PCDHGB6: variants seen among roughly 807,000 people sequenced by gnomAD.
The protein encoded by PCDHGB6 is protocadherin gamma subfamily B, 6.
Under a neutral mutation model 59.1 loss-of-function variants are expected in PCDHGB6, and 51 were observed. The ratio of observed to expected loss-of-function variants is 0.86; its 90% CI spans 0.69 to 1.09. The LOEUF (loss-of-function observed/expected upper bound fraction) is 1.09. PCDHGB6 is among the 50% of genes least tolerant of loss of function. The pLI, the probability that PCDHGB6 is intolerant of heterozygous loss-of-function variation, is 0.00. For synonymous variants in PCDHGB6, 466 were observed against 495.1 expected, an observed-to-expected ratio of 0.94 and a Z score of 0.78; for missense variants, 1,148 against 1,205.1, an observed-to-expected ratio of 0.95 and a Z score of 0.70.
In PCDHGB6 at chr5:141,431,627, C is replaced by T. The variant is rs769351473; in HGVS notation, c.2418+21007C>T. 2.5e-6 allele frequency: 4 copies of T among 1,614,076 alleles called. No homozygotes were observed. The South Asian group carries it at 4.4e-5, about 18-fold the overall frequency. On this transcript the variant is annotated intron_variant, in intron 1 of 3. Coordinates refer to ENST00000520790, the MANE Select transcript of PCDHGB6 (RefSeq NM_018926.3). The surrounding 1 kb of genome is among the most constrained non-coding windows in gnomAD (Gnocchi z 4.8). Reference sequence around the variant, plus strand: ...CCGGTATGTGGACGACAAGGCGGCCCAAGTTTTCAAACTAGATTGTAATTC... The same window carrying T: ...CCGGTATGTGGACGACAAGGCGGCCTAAGTTTTCAAACTAGATTGTAATTC...
rs114669158 is a variant in PCDHGB6 at position 141,511,003 on chromosome 5, G to A, written c.2623G>A (p.Ala875Thr). The change falls in exon 4 of 4, where the codon GCC (alanine) becomes ACC (threonine). Residue 875 changes from alanine to threonine, a missense_variant. Physicochemically the swap from Ala to Thr is moderately conservative, Grantham distance 58 (BLOSUM62 0). Coordinates refer to ENST00000520790, the MANE Select transcript of PCDHGB6 (RefSeq NM_018926.3). Reference protein sequence around the residue: ...GGGAGTMGLSARYGPQFTLQH... With the variant: ...GGGAGTMGLSTRYGPQFTLQH... ...GGGTGCCGGCACCATGGGATTGAGCGCCCGCTACGGACCCCAGTTCACCCT... is the reference window on the plus strand; with the variant it reads ...GGGTGCCGGCACCATGGGATTGAGCACCCGCTACGGACCCCAGTTCACCCT... The A allele has an allele frequency of 1.0e-4, 163 of 1,614,148 alleles. 1 individual carries two copies. The highest frequency in any genetic ancestry group is 9.5e-5 in the Non-Finnish European group (112 of 1,180,012).
Position 141,432,136 on chromosome 5 carries a change from T to C in PCDHGB6, c.2418+21516T>C, listed in dbSNP as rs766026174. 2 of 1,613,960 alleles carry C rather than the reference T, an allele frequency of 1.2e-6. No individual in the cohort carries two copies. The highest frequency in any genetic ancestry group is 1.7e-5 in the Admixed American group (1 of 59,996). On this transcript the variant is annotated intron_variant, in intron 1 of 3. Transcript: ENST00000520790. The surrounding 1 kb of genome is among the most constrained non-coding windows in gnomAD (Gnocchi z 6.0). ...TCTTCCCTCAGGCCTCCTATTCCGC[T>C]TATATCCCAGAGAACAATCCCAGAG...
chr5:141,494,680 C>G (rs552351026), intron 1 of PCDHGB6, 127 bp from the exon 2 acceptor site: 2 of 1,560,096 alleles, frequency 1.3e-6, no homozygotes, highest in East Asian at 4.6e-5. Context: ...CCACCCCTGC[C>G]CCCTCTTAGT....
At chr5:141,466,019 G>C (rs1466918487) in intron 1 of PCDHGB6, among the ~76,000 whole-genome samples, 1 of 152,062 alleles carries the variant, frequency 6.6e-6, no homozygotes, top group African/African-American at 2.4e-5. Flanking sequence ...CTACTCGGGA[G>C]GGTGAGGCAG....
chr5:141,432,539 G>A lies in PCDHGB6; in HGVS notation c.2418+21919G>A. 2.5e-6 allele frequency: 4 copies of A among 1,614,038 alleles called. No individual in the cohort carries two copies. Among genetic ancestry groups the A allele is most frequent in the Non-Finnish European group, 3.4e-6 (4 of 1,180,022 alleles). ...CTACCTGGTGACCAAGGTGGTGGCG[G>A]TGGACAGAGACTCCGGCCAGAACGC... On this transcript the variant is annotated intron_variant, in intron 1 of 3. Transcript: ENST00000520790. The surrounding 1 kb of genome is among the most constrained non-coding windows in gnomAD (Gnocchi z 6.0).
rs750833105 is a variant in PCDHGB6, at chr5:141,408,406, G to T, written c.204G>T (p.Val68=). 8 of 1,614,066 alleles carry T rather than the reference G, an allele frequency of 5.0e-6. No homozygotes were observed. The highest frequency in any genetic ancestry group is 2.2e-5 in the East Asian group (1 of 44,884). Residue 68 remains valine (V), a synonymous_variant, in exon 1 of 4, where the codon GTG becomes GTT. Transcript: ENST00000520790. ...ATGTGTCGGCTCGCAAGCTGCGAGT[G>T]AGCGCGGAGAAGCTGCACTTCAGCG... is the stretch of plus-strand genomic sequence containing the variant. ...VLDVSARKLR[V]SAEKLHFSVD...
At chr5:141,459,245 C>G (rs1040972875) in intron 1 of PCDHGB6, among the ~76,000 whole-genome samples, 1 of 152,180 alleles carries the variant, frequency 6.6e-6, no homozygotes, top group African/African-American at 2.4e-5. Context: ...TGCTTCCTGT[C>G]ACTATAAATT....
rs2095361527 is a variant in PCDHGB6 at position 141,410,146 on chromosome 5, C to T, written c.1944C>T (p.Asp648=). 2.5e-6 allele frequency: 4 copies of T among 1,612,390 alleles called. No individual in the cohort carries two copies. The highest frequency in any genetic ancestry group is 2.5e-6 in the Non-Finnish European group (3 of 1,179,564). Residue 648 remains aspartate, a synonymous_variant, in exon 1 of 4, where the codon GAC becomes GAT. Transcript: ENST00000520790. ...ARQRLLVAVR[D]GGQPPLSATA... ...AGCGCCTGCTGGTCGCTGTGCGTGA[C>T]GGTGGACAGCCGCCACTCTCTGCCA...
chr5:141,490,363 C>A lies in PCDHGB6; in HGVS notation c.2419-4444C>A. The A allele has an allele frequency of 6.2e-7, 1 of 1,614,154 alleles. No individual in the cohort carries two copies. Among genetic ancestry groups the A allele is most frequent in the South Asian group, 1.1e-5 (1 of 91,078 alleles). On this transcript the variant is annotated intron_variant, in intron 1 of 3. Coordinates refer to ENST00000520790, the MANE Select transcript of PCDHGB6 (RefSeq NM_018926.3). The surrounding 1 kb of genome is among the most constrained non-coding windows in gnomAD (Gnocchi z 5.4). Reference sequence around the variant, plus strand: ...CACAGTAGTGGGGTTGTTTAATGTGCGAGACCGGGACTCAGGTAGAAATGG... The same window carrying A: ...CACAGTAGTGGGGTTGTTTAATGTGAGAGACCGGGACTCAGGTAGAAATGG...
At chr5:141,474,834 A>G (rs557557147) in intron 1 of PCDHGB6, among the ~76,000 whole-genome samples, 4 of 152,380 alleles carry the variant, frequency 2.6e-5, no homozygotes, top group South Asian at 4.1e-4. Context: ...ACTCTGTGCC[A>G]GGCACTTTAC....
Position 141,477,426 on chromosome 5 carries a change from T to G in PCDHGB6, c.2419-17381T>G. 1 of 1,614,100 alleles carries G rather than the reference T, an allele frequency of 6.2e-7. No individual in the cohort carries two copies. Among genetic ancestry groups the G allele is most frequent in the East Asian group, 2.2e-5 (1 of 44,874 alleles). The stretch of plus-strand genomic sequence containing the variant: ...GCCCGAGACGCCGGAACCCCTTCCC[T>G]CTCAGCCCTTACAATAGTGCGTGTT... On this transcript the variant is annotated intron_variant, in intron 1 of 3. Coordinates refer to ENST00000520790, the MANE Select transcript of PCDHGB6 (RefSeq NM_018926.3). The surrounding 1 kb of genome is among the most constrained non-coding windows in gnomAD (Gnocchi z 4.9).
chr5:141,467,602 A>G (rs981250164), intron 1 of PCDHGB6, among the ~76,000 whole-genome samples: 3 of 152,216 alleles, frequency 2.0e-5, no homozygotes, highest in Non-Finnish European at 4.4e-5. Flanking sequence ...TAAGCACTTC[A>G]TCTTTGTCCC....
chr5:141,470,871 T>C (rs1036871133), intron 1 of PCDHGB6, among the ~76,000 whole-genome samples: 1 of 151,822 alleles, frequency 6.6e-6, no homozygotes, highest in Admixed American at 6.6e-5. Flanking sequence ...TGTTTGTTTG[T>C]TTTTTTGTTT....
At chr5:141,502,363 T>C (rs1216939790) in intron 2 of PCDHGB6, among the ~76,000 whole-genome samples, 2 of 152,100 alleles carry the variant, frequency 1.3e-5, no homozygotes, top group African/African-American at 4.8e-5. Context: ...ATGGATATTT[T>C]TAAAGAGTCC....
rs2099702455 is a variant in PCDHGB6, at chr5:141,490,641, G to C, written c.2419-4166G>C. 6.2e-7 allele frequency: 1 copy of C among 1,614,042 alleles called. No homozygotes were observed. Among genetic ancestry groups the C allele is most frequent in the Admixed American group, 1.7e-5 (1 of 60,004 alleles). On this transcript the variant is annotated intron_variant, in intron 1 of 3. Coordinates refer to ENST00000520790, the MANE Select transcript of PCDHGB6 (RefSeq NM_018926.3). The surrounding 1 kb of genome is among the most constrained non-coding windows in gnomAD (Gnocchi z 5.4). ...ACACTGCTTACATCCTAGAAAACCG[G>C]CCTCCGGGCTCCCTTCTTTGCACTG...
intron 1 of PCDHGB6, 163 bp downstream of exon 1, chr5:141,410,783 T>C (rs2095423369): frequency 1.1e-6 from 1 of 919,042 alleles, no homozygotes; most frequent in East Asian, 2.7e-5. Flanking sequence ...ACTATGTATT[T>C]GGTTCATAAG....
Position 141,490,481 on chromosome 5 carries a change from G to A in PCDHGB6, c.2419-4326G>A, listed in dbSNP as rs771164683. 8.7e-6 allele frequency: 14 copies of A among 1,614,060 alleles called. No homozygotes were observed. The highest frequency in any genetic ancestry group is 4.0e-5 in the African/African-American group (3 of 74,928). ...CTGCTAACCAGCCAGCCTTTGGACCGGGAGGCCACATCCCACTATATCATC... is the reference window on the plus strand; with the variant it reads ...CTGCTAACCAGCCAGCCTTTGGACCAGGAGGCCACATCCCACTATATCATC... On this transcript the variant is annotated intron_variant, in intron 1 of 3. Transcript: ENST00000520790. The surrounding 1 kb of genome is among the most constrained non-coding windows in gnomAD (Gnocchi z 5.4).
At chr5:141,426,052 G>T (rs2096912121) in intron 1 of PCDHGB6, among the ~76,000 whole-genome samples, 1 of 152,162 alleles carries the variant, frequency 6.6e-6, no homozygotes, top group South Asian at 2.1e-4. Flanking sequence ...TGGCCAATGT[G>T]CTGCAAGAAC....
intron 1 of PCDHGB6, chr5:141,414,831 G>A (rs1230752323): frequency 1.9e-6 from 3 of 1,614,212 alleles, no homozygotes; most frequent in Admixed American, 1.7e-5. Flanking sequence ...ACGTGTCGTT[G>A]AGCCTGTTTG....
Sources: allele counts gnomAD v4.1 joint callset (sites outside exome capture counted in the v4.1 genomes callset), GRCh38; gene constraint gnomAD v4.1.1; non-coding constraint Gnocchi (gnomAD v3.1); transcripts MANE v1.5; gene names NCBI Gene and HGNC (gene_info 2026-07-23, HGNC 2026-07-21).